The following DNASE1 variants were observed in gnomAD, a reference collection of about 807,000 sequenced individuals.
DNASE1 encodes the protein deoxyribonuclease-1.
A neutral mutation model predicts 33.9 loss-of-function variants in DNASE1; 40 were observed. The observed-to-expected ratio is 1.18, with a 90% CI of 0.92 to 1.54. The LOEUF (loss-of-function observed/expected upper bound fraction) is 1.54. Ranked by LOEUF, DNASE1 falls within the 40% of genes most tolerant of loss-of-function variation. The pLI is 0.00. For missense variants in DNASE1, 518 were observed against 372.6 expected (o/e 1.39, Z -3.21); for synonymous variants, 216 against 160.0 (o/e 1.35, Z -2.64).
chr16:3,663,188 T>A (rs1314136269), exon 10 of DNASE1: 1 of 668,186 alleles, frequency 1.5e-6, no homozygotes, highest in Non-Finnish European at 2.5e-6. Context: ...ACACAGCCTC[T>A]CAAGAAGCTG....
chr16:3,642,249 A>G (rs1596609311), upstream of DNASE1, among the ~76,000 whole-genome samples: 1 of 152,172 alleles, frequency 6.6e-6, no homozygotes, highest in Admixed American at 6.5e-5. Context: ...TCTTCTGAGC[A>G]CTGCTCTGAC....
intron 4 of DNASE1, 78 bp downstream of exon 4, chr16:3,656,263 TTAG>T: frequency 6.7e-7 from 1 of 1,481,976 alleles, no homozygotes; most frequent in Non-Finnish European, 9.4e-7. Flanking sequence ...GTTTGTCCTA[TTAG>T]TTTGTCCTAT....
intron 1 of DNASE1, among the ~76,000 whole-genome samples, chr16:3,634,536 G>A (rs909696819): frequency 6.6e-6 from 1 of 151,766 alleles, no homozygotes; most frequent in Non-Finnish European, 1.5e-5. Context: ...CCGAGACAGG[G>A]TCTTGGTCTG....
rs534751850 is a variant in DNASE1 at position 3,631,123 on chromosome 16, A to G, written c.-1358-9592A>G. On this transcript the variant is annotated intron_variant and NMD_transcript_variant, in intron 1 of 11. Coordinates refer to the DNASE1 transcript ENST00000570769. ...CTGCAACCTCCGCCTCCTGAGTTCA[A>G]GCGATTCTCCTGCCTCAGCTTCCCA... Among the ~76,000 whole-genome samples the G allele has an allele frequency of 1.3e-3, 205 of 151,956 alleles. 1 individual carries two copies. Among genetic ancestry groups the G allele is most frequent in the South Asian group, 5.0e-3 (24 of 4,812 alleles).
upstream of DNASE1, chr16:3,650,550 A>G (rs540500518): frequency 1.3e-5 from 2 of 150,888 alleles, no homozygotes; most frequent in Non-Finnish European, 1.5e-5. Context: ...ACCTTATTCT[A>G]TCTTTTAACT....
chr16:3,661,235 G>C (rs1300685948), downstream of DNASE1: 6 of 152,142 alleles, frequency 3.9e-5, no homozygotes, highest in African/African-American at 7.2e-5. Context: ...TCACATTCAT[G>C]GGTGCAAAGA....
At chr16:3,619,972 G>A (rs1296535044) in intron 1 of DNASE1, among the ~76,000 whole-genome samples, 1 of 147,824 alleles carries the variant, frequency 6.8e-6, no homozygotes, top group African/African-American at 2.5e-5. Context: ...CTGGAGTGCA[G>A]TGGCATAATC....
chr16:3,663,723 C>T, exon 10 of DNASE1: 1 of 820,174 alleles, frequency 1.2e-6, no homozygotes, highest in East Asian at 2.7e-5. Context: ...TACTACGACA[C>T]CTGGGTCTAA....
intron 1 of DNASE1, among the ~76,000 whole-genome samples, chr16:3,617,584 C>G (rs1416449887): frequency 6.6e-6 from 1 of 151,992 alleles, no homozygotes; most frequent in African/African-American, 2.4e-5. Flanking sequence ...TTTATGTCTC[C>G]CCCCACCCAA....
intron 1 of DNASE1, among the ~76,000 whole-genome samples, chr16:3,626,034 A>C (rs1163596135): frequency 1.3e-5 from 2 of 152,136 alleles, no homozygotes; most frequent in Admixed American, 1.3e-4. Flanking sequence ...TGAGAAGCCA[A>C]GGCTATAGTG....
Position 3,657,333 on chromosome 16 carries a change from C to G in DNASE1, c.696C>G (p.Ala232=). ...ADTTATPTHC[A]YDRIVVAGML... ...CCACAGCTACACCCACGCACTGTGCCTATGACAGGTGAGCAGGGCCTCGCG... is the reference window on the plus strand; with the variant it reads ...CCACAGCTACACCCACGCACTGTGCGTATGACAGGTGAGCAGGGCCTCGCG... Residue 232 remains alanine (A), a synonymous_variant, in exon 7 of 9, where the codon GCC becomes GCG. Transcript: ENST00000246949. The G allele has an allele frequency of 3.7e-6, 6 of 1,613,308 alleles. No homozygotes were observed. The highest frequency in any genetic ancestry group is 5.1e-6 in the Non-Finnish European group (6 of 1,179,990).
chr16:3,621,982 A>T (rs1396573659), intron 1 of DNASE1, among the ~76,000 whole-genome samples: 2 of 152,202 alleles, frequency 1.3e-5, no homozygotes, highest in African/African-American at 2.4e-5. Context: ...GTACTTTGGG[A>T]GACCGAGGCA....
intron 1 of DNASE1, among the ~76,000 whole-genome samples, chr16:3,647,262 ATTT>A (rs537295148): frequency 7.7e-6 from 1 of 130,224 alleles, no homozygotes; most frequent in African/African-American, 2.9e-5. Context: ...TAATCATGGG[ATTT>A]TTTTTTTTTT....
At position 3,657,040 on chromosome 16, in the gene DNASE1, G is replaced by C; in HGVS notation, c.478G>C (p.Gly160Arg). 2 of 1,613,942 alleles carry C rather than the reference G, an allele frequency of 1.2e-6. No homozygotes were observed. The highest frequency in any genetic ancestry group is 1.7e-6 in the Non-Finnish European group (2 of 1,180,014). Residue 160 changes from glycine to arginine, a missense_variant, in exon 6 of 9, where the codon GGG becomes CGG. Coordinates refer to ENST00000246949, the MANE Select transcript of DNASE1 (RefSeq NM_005223.4). Reference protein sequence around the residue: ...FAIVPLHAAPGDAVAEIDALY... With the variant: ...FAIVPLHAAPRDAVAEIDALY... ...CATTGTTCCCCTGCATGCGGCCCCG[G>C]GGGACGCAGTAGCCGAGATCGACGC...
At chr16:3,657,405 G>C in intron 7 of DNASE1, 64 bp downstream of exon 7, 1 of 1,592,840 alleles carries the variant, frequency 6.3e-7, no homozygotes, top group African/African-American at 1.3e-5. Context: ...TGACTCATAG[G>C]TCGGGCTTCA....
chr16:3,643,710 A>G (rs1405922562), intron 1 of DNASE1, among the ~76,000 whole-genome samples: 1 of 152,180 alleles, frequency 6.6e-6, no homozygotes, highest in East Asian at 1.9e-4. Flanking sequence ...GTTTTTGGAC[A>G]TGGACTTTAG....
chr16:3,664,239 GC>G (rs1390324957), exon 10 of DNASE1: 2 of 1,508,394 alleles, frequency 1.3e-6, no homozygotes, highest in Admixed American at 2.4e-5. Context: ...CCAGGTTGCA[GC>G]CCCCGGAGCC....
At chr16:3,656,314 G>A (rs2042614989) in intron 4 of DNASE1, 129 bp downstream of exon 4, 6 of 1,016,586 alleles carry the variant, frequency 5.9e-6, no homozygotes, top group Non-Finnish European at 9.0e-6. Context: ...GTCCAGGGTG[G>A]AGTGAAAACA....
At chr16:3,636,546 G>T (rs1487498737) in intron 1 of DNASE1, among the ~76,000 whole-genome samples, 2 of 152,192 alleles carry the variant, frequency 1.3e-5, no homozygotes, top group African/African-American at 4.8e-5. Context: ...AGGAGGCCGG[G>T]CATGGTGGCT....
Sources: gnomAD v4.1 joint callset for allele counts (sites outside exome capture counted in the v4.1 genomes callset) on GRCh38, gnomAD v4.1.1 for gene constraint, MANE v1.5 for transcripts, NCBI Gene and HGNC (gene_info 2026-07-23, HGNC 2026-07-21) for gene names.